SNX29: variants seen among roughly 807,000 people sequenced by gnomAD.
The protein encoded by SNX29 is sorting nexin-29.
Under a neutral mutation model 102.1 loss-of-function variants are expected in SNX29, and 78 were observed. The observed-to-expected ratio is 0.76, with a 90% CI of 0.64 to 0.92. The LOEUF (loss-of-function observed/expected upper bound fraction) is 0.92. SNX29 is among the 40% of genes least tolerant of loss of function. SNX29 has a pLI of 0.00. For synonymous variants in SNX29, 580 were observed against 414.5 expected (o/e 1.40, Z -4.85); for missense variants, 1,280 against 1,061.7 (o/e 1.21, Z -2.86).
chr16:12,261,867 G>A (rs2078780342), intron 14 of SNX29, among the ~76,000 whole-genome samples: 1 of 143,344 alleles, frequency 7.0e-6, no homozygotes, highest in African/African-American at 2.6e-5. Context: ...TCCCTGGCTG[G>A]AGTGAGTGTT....
intron 18 of SNX29, among the ~76,000 whole-genome samples, chr16:12,425,620 A>G (rs984169092): frequency 1.3e-5 from 2 of 151,848 alleles, no homozygotes; most frequent in African/African-American, 2.4e-5. Context: ...AGACAAGGGG[A>G]AAAAAATCCA....
At chr16:12,037,261 A>G (rs533023585) in intron 4 of SNX29, among the ~76,000 whole-genome samples, 1 of 152,284 alleles carries the variant, frequency 6.6e-6, no homozygotes, top group South Asian at 2.1e-4. Flanking sequence ...TTCCAGGAAC[A>G]CCATGCTTAT....
rs1355443537 is a variant in SNX29 at position 12,164,516 on chromosome 16, G to A, written c.1595+34758G>A. Among the ~76,000 whole-genome samples the A allele has an allele frequency of 2.0e-5, 3 of 152,082 alleles. No homozygotes were observed. In the South Asian group the frequency reaches 6.2e-4, roughly 32 times the overall value. On this transcript the variant is annotated intron_variant, in intron 13 of 20. Transcript: ENST00000566228. ...TGAGAAGATTGAGTACTGTTTACAA[G>A]TATGTACTTTTTTGGTTGATAATAT...
chr16:12,191,318 G>A (rs866383857), intron 13 of SNX29, among the ~76,000 whole-genome samples: 1 of 152,160 alleles, frequency 6.6e-6, no homozygotes, highest in Non-Finnish European at 1.5e-5. Context: ...ATGACCCCTG[G>A]TGTAGAGGAC....
chr16:12,324,579 T>G (rs1419274493), intron 15 of SNX29, among the ~76,000 whole-genome samples: 1 of 152,114 alleles, frequency 6.6e-6, no homozygotes. Context: ...GTCAATGTTT[T>G]CTTTTTTAAA....
chr16:12,486,360 T>C (rs959297876), intron 19 of SNX29, among the ~76,000 whole-genome samples: 1 of 152,208 alleles, frequency 6.6e-6, no homozygotes, highest in Non-Finnish European at 1.5e-5. Context: ...ATTCACAGGT[T>C]CTGGGGATTG....
intron 14 of SNX29, among the ~76,000 whole-genome samples, chr16:12,273,885 CG>C (rs1466518625): frequency 1.6e-4 from 25 of 152,208 alleles, no homozygotes; most frequent in Admixed American, 1.4e-3. Context: ...AATGCTCTCA[CG>C]GTCTATCTGT....
chr16:12,545,490 G>C (rs921806711), intron 20 of SNX29: 1 of 152,254 alleles, frequency 6.6e-6, no homozygotes, highest in Non-Finnish European at 1.5e-5. Context: ...TCCTGCAACT[G>C]TGGCAAGACC....
At chr16:12,130,181 TAAA>T (rs1208590608) in intron 13 of SNX29, among the ~76,000 whole-genome samples, 1 of 132,092 alleles carries the variant, frequency 7.6e-6, no homozygotes, top group African/African-American at 2.8e-5. Flanking sequence ...ACTTTTTAGT[TAAA>T]AAAAAAAAAA....
At chr16:12,438,610 G>A (rs2085649055) in intron 18 of SNX29, among the ~76,000 whole-genome samples, 1 of 152,216 alleles carries the variant, frequency 6.6e-6, no homozygotes, top group African/African-American at 2.4e-5. Flanking sequence ...GAGGCTGCCT[G>A]GTCTGTGGTG....
At chr16:12,229,319 G>A (rs1043097458) in intron 14 of SNX29, among the ~76,000 whole-genome samples, 1 of 152,226 alleles carries the variant, frequency 6.6e-6, no homozygotes, top group Non-Finnish European at 1.5e-5. Flanking sequence ...ATGTGTGCAT[G>A]AATGAATAAT....
intron 20 of SNX29, chr16:12,526,968 C>T (rs190200835): frequency 2.5e-5 from 10 of 407,492 alleles, no homozygotes; most frequent in African/African-American, 1.8e-4. Context: ...CAGAACAGAA[C>T]ACAGGGTTCG....
chr16:12,505,288 CTT>C (rs1328134179), intron 19 of SNX29, among the ~76,000 whole-genome samples: 9 of 152,002 alleles, frequency 5.9e-5, no homozygotes, highest in Admixed American at 6.6e-5. Flanking sequence ...ATAACAGAAA[CTT>C]TTCATTCTTC....
chr16:12,206,290 A>G (rs1457775365), intron 14 of SNX29, among the ~76,000 whole-genome samples: 2 of 148,978 alleles, frequency 1.3e-5, no homozygotes, highest in Non-Finnish European at 3.0e-5. Flanking sequence ...CAACAATATC[A>G]TGGGAAGTTT....
At chr16:12,416,481 G>A (rs1476322562) in intron 18 of SNX29, among the ~76,000 whole-genome samples, 3 of 152,184 alleles carry the variant, frequency 2.0e-5, no homozygotes, top group African/African-American at 7.2e-5. Flanking sequence ...TCATTACCCT[G>A]ATTTGATTAC....
At chr16:12,045,047 C>G (rs2050031455) in intron 5 of SNX29, among the ~76,000 whole-genome samples, 1 of 152,168 alleles carries the variant, frequency 6.6e-6, no homozygotes, top group Non-Finnish European at 1.5e-5. Context: ...AGCCACTTCC[C>G]CAGCTGGATG....
chr16:12,527,576 A>G (rs1435288093), intron 20 of SNX29, among the ~76,000 whole-genome samples: 4 of 152,122 alleles, frequency 2.6e-5, no homozygotes, highest in Non-Finnish European at 5.9e-5. Context: ...CACCCATCTC[A>G]TCTCGTCTTC....
chr16:12,246,792 A>C (rs2078272568), intron 14 of SNX29, among the ~76,000 whole-genome samples: 1 of 152,190 alleles, frequency 6.6e-6, no homozygotes, highest in African/African-American at 2.4e-5. Flanking sequence ...GGCAATAGTA[A>C]CAGCTGCATA....
chr16:12,344,250 A>G (rs1466045965), intron 15 of SNX29, among the ~76,000 whole-genome samples: 1 of 152,218 alleles, frequency 6.6e-6, no homozygotes, highest in African/African-American at 2.4e-5. Flanking sequence ...AGACTAATAC[A>G]ACCTCACAAA....
Sources: gnomAD v4.1 joint callset for allele counts (sites outside exome capture counted in the v4.1 genomes callset) on GRCh38, gnomAD v4.1.1 for gene constraint, MANE v1.5 for transcripts, NCBI Gene and HGNC (gene_info 2026-07-23, HGNC 2026-07-21) for gene names.